ESAM: variants seen among roughly 807,000 people sequenced by gnomAD.
ESAM encodes the protein endothelial cell-selective adhesion molecule.
In ESAM, 23 loss-of-function variants were observed where a neutral mutation model predicts 31.8. The ratio of observed to expected loss-of-function variants is 0.72; its 90% CI spans 0.52 to 1.03. The LOEUF (loss-of-function observed/expected upper bound fraction) is 1.03, where lower values mean the gene tolerates loss of function less well. ESAM is among the 50% of genes least tolerant of loss of function. The pLI is 0.00. For synonymous variants in ESAM, 216 were observed against 207.2 expected, an observed-to-expected ratio of 1.04 and a Z score of -0.37; for missense variants, 478 against 488.9, an observed-to-expected ratio of 0.98 and a Z score of 0.21.
chr11:124,756,155 A>G, intron 4 of ESAM, 52 bp downstream of exon 4: 2 of 1,609,932 alleles, frequency 1.2e-6, no homozygotes, highest in Non-Finnish European at 1.7e-6. Context: ...GGTACCTCTC[A>G]TCTTTCCCCT....
In ESAM at chr11:124,756,503, C is replaced by T. The variant is rs201149748; in HGVS notation, c.451+38G>A. The T allele has an allele frequency of 1.1e-5, 17 of 1,608,048 alleles. No homozygotes were observed. The African/African-American group carries it at 1.9e-4, about 18-fold the overall frequency. Reference sequence around the variant, plus strand: ...GAGAGACTCACCAGACCTCCCAGTGCAGGTGGGGAGGGGTCCGGAAATCTG... The same window carrying T: ...GAGAGACTCACCAGACCTCCCAGTGTAGGTGGGGAGGGGTCCGGAAATCTG... On this transcript the variant is annotated intron_variant, in intron 3 of 6. Coordinates refer to ENST00000278927, the MANE Select transcript of ESAM (RefSeq NM_138961.3).
chr11:124,753,913 G>T lies in ESAM; in HGVS notation c.906C>A (p.Asp302Glu). ...PRTLPWPKSS[D>E]TISKNGTLSS... The stretch of plus-strand genomic sequence containing the variant: ...AAAGGGTCCCATTCTTGGAGATTGT[G>T]TCTGAGCTCTTGGGCCAGGGCAGGG... Residue 302 changes from aspartate to glutamate, a missense_variant, in exon 7 of 7, where the codon GAC becomes GAA. Physicochemically the swap from Asp to Glu is conservative, Grantham distance 45 (BLOSUM62 2). Transcript: ENST00000278927. 2 of 1,614,058 alleles carry T rather than the reference G, an allele frequency of 1.2e-6. No homozygotes were observed. The highest frequency in any genetic ancestry group is 8.5e-7 in the Non-Finnish European group (1 of 1,180,008).
chr11:124,761,999 C>G, intron 1 of ESAM, 86 bp downstream of exon 1: 1 of 1,220,158 alleles, frequency 8.2e-7, no homozygotes, highest in African/African-American at 1.5e-5. Flanking sequence ...GGACCCAGTT[C>G]CGCAGCAGTG....
chr11:124,756,746 G>A lies in ESAM; in HGVS notation c.250-4C>T, dbSNP rs977765494. Reference sequence around the variant, plus strand: ...CCCCATTGATGTAGGACAACACCTGGTGTGGGGCATAACACATCCCCGTCA... The same window carrying A: ...CCCCATTGATGTAGGACAACACCTGATGTGGGGCATAACACATCCCCGTCA... On this transcript the variant is annotated splice_region_variant and splice_polypyrimidine_tract_variant and intron_variant, in intron 2 of 6. Coordinates refer to ENST00000278927, the MANE Select transcript of ESAM (RefSeq NM_138961.3). 1 of 1,614,000 alleles carries A rather than the reference G, an allele frequency of 6.2e-7. No individual in the cohort carries two copies. Among genetic ancestry groups the A allele is most frequent in the South Asian group, 1.1e-5 (1 of 91,058 alleles).
chr11:124,756,866 A>G, intron 2 of ESAM, 124 bp from the exon 3 acceptor site: 2 of 994,010 alleles, frequency 2.0e-6, no homozygotes, highest in Non-Finnish European at 3.0e-6. Flanking sequence ...CATTCTTCTA[A>G]CCTGAACCAG....
rs1331660184 is a variant in ESAM, at chr11:124,756,273, GCT to G, written c.539_540del (p.Lys180ThrfsTer49). The G allele has an allele frequency of 6.2e-7, 1 of 1,614,050 alleles. No homozygotes were observed. The highest frequency in any genetic ancestry group is 8.5e-7 in the Non-Finnish European group (1 of 1,180,048). ...VTLSCQSPRS[K>X]PAVQYQWDRQ... ...CGATCCCACTGGTATTGGACAGCGG[GCT>G]TACTCCTTGGAGACTGGCAGCTCAG... is the stretch of plus-strand genomic sequence containing the variant. On this transcript the variant is annotated frameshift_variant, in exon 4 of 7. Coordinates refer to ENST00000278927, the MANE Select transcript of ESAM (RefSeq NM_138961.3). LOFTEE classifies it high-confidence loss of function.
At chr11:124,758,660 C>T (rs1379171058) in intron 1 of ESAM, 133 bp from the exon 2 acceptor site, 1 of 1,074,622 alleles carries the variant, frequency 9.3e-7, no homozygotes, top group African/African-American at 1.6e-5. Context: ...GGGGTCCGGC[C>T]CCTGGAGGCC....
At chr11:124,760,490 C>G (rs1235168595) in intron 1 of ESAM, among the ~76,000 whole-genome samples, 1 of 152,266 alleles carries the variant, frequency 6.6e-6, no homozygotes, top group African/African-American at 2.4e-5. Flanking sequence ...GGGCTTCTCA[C>G]GCCCCAGGGG....
intron 1 of ESAM, among the ~76,000 whole-genome samples, chr11:124,761,339 A>G (rs1275143362): frequency 3.9e-5 from 6 of 152,130 alleles, no homozygotes; most frequent in Non-Finnish European, 5.9e-5. Flanking sequence ...GGAGGCCTAC[A>G]ACACTTCCCA....
Position 124,753,712 on chromosome 11 carries a change from G to A in ESAM, c.1107C>T (p.Gly369=). Reference sequence around the variant, plus strand: ...CAGGCACAGCACCCATGCGGCTCAAGCCAGAGGAAGAAACCCCACCAGGGA... The same window carrying A: ...CAGGCACAGCACCCATGCGGCTCAAACCAGAGGAAGAAACCCCACCAGGGA... ...SPIPGGVSSS[G]LSRMGAVPVM... The change falls in exon 7 of 7, where the codon GGC becomes GGT. Residue 369 remains glycine, a synonymous_variant. Coordinates refer to ENST00000278927, the MANE Select transcript of ESAM (RefSeq NM_138961.3). The A allele has an allele frequency of 3.1e-6, 5 of 1,614,106 alleles. No individual in the cohort carries two copies. The highest frequency in any genetic ancestry group is 4.2e-6 in the Non-Finnish European group (5 of 1,180,034).
In ESAM at chr11:124,756,304, C is replaced by A. The variant is rs199848606; in HGVS notation, c.510G>T (p.Val170=). 5.6e-6 allele frequency: 9 copies of A among 1,613,242 alleles called. No individual in the cohort carries two copies. The East Asian group carries it at 2.0e-4, about 36-fold the overall frequency. The change falls in exon 4 of 7, where the codon GTG becomes GTT. Residue 170 remains valine (V), a synonymous_variant. Coordinates refer to ENST00000278927, the MANE Select transcript of ESAM (RefSeq NM_138961.3). The part of the protein sequence containing the change: ...LQGVPHVGAN[V]TLSCQSPRSK... ...TCCTTGGAGACTGGCAGCTCAGGGT[C>A]ACGTTTGCCCCCACATGGGGCACAC...
rs530919523 is a variant in ESAM, at chr11:124,753,541, G to A, written c.*105C>T. ...AAGAGAGGTGGGGGCAGAGTACTAA[G>A]GGTCAGGAGTGTGACTCTTTCCCAT... is the stretch of plus-strand genomic sequence containing the variant. On this transcript the variant is annotated 3_prime_UTR_variant, in exon 7 of 7. Transcript: ENST00000278927. 102 of 1,263,784 alleles carry A rather than the reference G, an allele frequency of 8.1e-5. 1 individual carries two copies. In the South Asian group the frequency reaches 1.3e-3, roughly 16 times the overall value. 78.3% of individuals were successfully genotyped at this position (1,263,784 alleles called of 1,614,324 possible).
Position 124,756,220 on chromosome 11 carries a change from A to G in ESAM, c.594T>C (p.Phe198=). 6 of 1,613,852 alleles carry G rather than the reference A, an allele frequency of 3.7e-6. No homozygotes were observed. The highest frequency in any genetic ancestry group is 2.2e-5 in the South Asian group (2 of 91,062). Residue 198 remains phenylalanine, a synonymous_variant, in exon 4 of 7, where the codon TTT becomes TTC. Transcript: ENST00000278927. ...DRQLPSFQTF[F]APALDVIRGS... ...TAGTGTCCTCACCTAATGCTGGTGC[A>G]AAGAAAGTCTGGAAGGATGGAAGCT...
intron 4 of ESAM, among the ~76,000 whole-genome samples, chr11:124,755,341 CA>C: frequency 6.6e-6 from 1 of 151,468 alleles, no homozygotes; most frequent in South Asian, 2.1e-4. Context: ...CACATGTATA[CA>C]TATGTAACTA....
intron 1 of ESAM, 106 bp from the exon 2 acceptor site, chr11:124,758,633 G>T: frequency 7.5e-7 from 1 of 1,338,518 alleles, no homozygotes; most frequent in Non-Finnish European, 9.9e-7. Flanking sequence ...CGCTTTAACT[G>T]GAAAGAGGAA....
At position 124,754,850 on chromosome 11, in the gene ESAM, C is replaced by A. The variant is rs1944137226; in HGVS notation, c.608-87G>T. 2 of 1,498,658 alleles carry A rather than the reference C, an allele frequency of 1.3e-6. No individual in the cohort carries two copies. The highest frequency in any genetic ancestry group is 4.6e-5 in the East Asian group (2 of 43,376). 92.8% of individuals were successfully genotyped at this position (1,498,658 alleles called of 1,614,324 possible). A position where few individuals can be genotyped will look rare whatever the true frequency, so the allele number is the denominator to read the frequency against. On this transcript the variant is annotated intron_variant, in intron 4 of 6. Coordinates refer to ENST00000278927, the MANE Select transcript of ESAM (RefSeq NM_138961.3). This position sits in a 1 kb window ranked among gnomAD's most constrained non-coding sequence, Gnocchi z 4.5. The stretch of plus-strand genomic sequence containing the variant: ...TCTTGTCCCTCCTCTGGAATGTCCC[C>A]TTTGACCCTCTGGGAGTCACGGCTT...
chr11:124,757,200 G>A (rs1470743548), intron 2 of ESAM: 1 of 174,480 alleles, frequency 5.7e-6, no homozygotes, highest in Non-Finnish European at 1.2e-5. Context: ...GGAGGCTGAG[G>A]CAGGTGGATT....
chr11:124,756,961 T>G (rs1944163037), intron 2 of ESAM: 1 of 569,360 alleles, frequency 1.8e-6, no homozygotes, highest in Non-Finnish European at 3.1e-6. Context: ...CTGCGCATTG[T>G]CTCATCTCCC....
chr11:124,758,283 C>A (rs1315136123), intron 2 of ESAM, 66 bp downstream of exon 2: 3 of 1,597,296 alleles, frequency 1.9e-6, no homozygotes, highest in South Asian at 1.1e-5. Context: ...CCACCGCTAC[C>A]AGCTCTTTGC....
Sources: allele counts gnomAD v4.1 joint callset (sites outside exome capture counted in the v4.1 genomes callset), GRCh38; gene constraint gnomAD v4.1.1; non-coding constraint Gnocchi (gnomAD v3.1); transcripts MANE v1.5; gene names NCBI Gene and HGNC (gene_info 2026-07-23, HGNC 2026-07-21).